Variants in LINGO2 observed in about 807,000 individuals in gnomAD.
The protein encoded by LINGO2 is leucine rich repeat and Ig domain containing 2.
LINGO2 carries 14 observed loss-of-function variants against 30.6 expected under a neutral mutation model. The observed-to-expected ratio is 0.46, with a 90% CI of 0.30 to 0.72. The LOEUF (loss-of-function observed/expected upper bound fraction) is 0.72. LINGO2 is among the 30% of genes least tolerant of loss of function. The pLI, the probability that LINGO2 is intolerant of heterozygous loss-of-function variation, is 0.07. For synonymous variants in LINGO2, 317 were observed against 288.5 expected (o/e 1.10, Z -1.00); for missense variants, 729 against 751.7 (o/e 0.97, Z 0.35).
chr9:29,011,796 A>C, the LINGO2 span, among the ~76,000 whole-genome samples: 1 of 152,160 alleles, frequency 6.6e-6, no homozygotes, highest in African/African-American at 2.4e-5. Context: ...TTAAAGAAGA[A>C]ACATTATACC....
At chr9:28,439,067 T>C (rs1824081971) in intron 2 of LINGO2, among the ~76,000 whole-genome samples, 1 of 147,608 alleles carries the variant, frequency 6.8e-6, no homozygotes, top group South Asian at 2.1e-4. Flanking sequence ...ACATTATATA[T>C]AATGAAATAT....
At chr9:28,781,267 G>T in the LINGO2 span, among the ~76,000 whole-genome samples, 1 of 152,128 alleles carries the variant, frequency 6.6e-6, no homozygotes, top group Non-Finnish European at 1.5e-5. Context: ...AGGCAGTGCA[G>T]CCAGATGCCG....
At chr9:28,717,209 A>T in the LINGO2 span, among the ~76,000 whole-genome samples, 2 of 152,110 alleles carry the variant, frequency 1.3e-5, no homozygotes, top group East Asian at 3.9e-4. Flanking sequence ...CCAGTGTCAA[A>T]GGAGTCATTC....
chr9:28,712,964 C>G, the LINGO2 span, among the ~76,000 whole-genome samples: 1 of 152,054 alleles, frequency 6.6e-6, no homozygotes, highest in Non-Finnish European at 1.5e-5. Flanking sequence ...CTCCCAGATT[C>G]AAGTGATTCT....
chr9:29,068,139 C>G, the LINGO2 span, among the ~76,000 whole-genome samples: 1 of 151,728 alleles, frequency 6.6e-6, no homozygotes, highest in Admixed American at 6.6e-5. Flanking sequence ...AAGCCTCTAA[C>G]CATTGCAAAT....
intron 4 of LINGO2, among the ~76,000 whole-genome samples, chr9:28,056,126 C>A (rs1030260653): frequency 6.6e-6 from 1 of 152,172 alleles, no homozygotes; most frequent in Non-Finnish European, 1.5e-5. Flanking sequence ...GTCTACCGCC[C>A]TTCCTATTTA....
At chr9:28,911,416 TA>T in the LINGO2 span, among the ~76,000 whole-genome samples, 1 of 151,994 alleles carries the variant, frequency 6.6e-6, no homozygotes. Flanking sequence ...CAGGTACATA[TA>T]AAAAATTTTC....
intron 1 of LINGO2, among the ~76,000 whole-genome samples, chr9:28,626,351 A>T (rs1826675472): frequency 6.6e-6 from 1 of 151,936 alleles, no homozygotes; most frequent in Non-Finnish European, 1.5e-5. Flanking sequence ...TGGGGTTTGC[A>T]TTTTCATTTC....
chr9:28,908,658 C>T, the LINGO2 span, among the ~76,000 whole-genome samples: 1 of 151,730 alleles, frequency 6.6e-6, no homozygotes, highest in African/African-American at 2.4e-5. Context: ...GAAAAATAAT[C>T]GTTAAAAATG....
At chr9:29,126,096 A>C in the LINGO2 span, among the ~76,000 whole-genome samples, 4 of 152,126 alleles carry the variant, frequency 2.6e-5, no homozygotes, top group Non-Finnish European at 5.9e-5. Flanking sequence ...TTTTGAAAAT[A>C]ATCCCTCCCC....
the LINGO2 span, among the ~76,000 whole-genome samples, chr9:29,030,724 C>G: frequency 1.3e-4 from 20 of 152,180 alleles, no homozygotes; most frequent in Non-Finnish European, 2.5e-4. Context: ...ACAGGGTTTC[C>G]CACTGTAAAG....
At chr9:29,159,832 CAAA>C in the LINGO2 span, among the ~76,000 whole-genome samples, 9 of 134,890 alleles carry the variant, frequency 6.7e-5, no homozygotes, top group Non-Finnish European at 8.0e-5. Context: ...CAGCCTGGGC[CAAA>C]AAAAAAAAAA....
chr9:28,362,408 T>G (rs140008527), intron 3 of LINGO2, among the ~76,000 whole-genome samples: 1 of 150,930 alleles, frequency 6.6e-6, no homozygotes, highest in Non-Finnish European at 1.5e-5. Flanking sequence ...AAAGATTGAG[T>G]AACAGAAGAA....
At chr9:29,190,803 A>T in the LINGO2 span, among the ~76,000 whole-genome samples, 1 of 152,198 alleles carries the variant, frequency 6.6e-6, no homozygotes, top group African/African-American at 2.4e-5. Flanking sequence ...AAGCATTCCA[A>T]ATATATGCCA....
chr9:28,772,070 T>C, the LINGO2 span, among the ~76,000 whole-genome samples: 1 of 152,246 alleles, frequency 6.6e-6, no homozygotes, highest in South Asian at 2.1e-4. Context: ...ACTGAATGAA[T>C]GAGTAAATGA....
intron 1 of LINGO2, among the ~76,000 whole-genome samples, chr9:28,509,758 T>G (rs998927930): frequency 2.6e-5 from 4 of 152,214 alleles, no homozygotes; most frequent in Non-Finnish European, 5.9e-5. Flanking sequence ...ACTCTAATCT[T>G]AGACTTTCAG....
the LINGO2 span, among the ~76,000 whole-genome samples, chr9:29,025,842 CTA>C: frequency 2.8e-4 from 43 of 152,160 alleles, no homozygotes; most frequent in African/African-American, 9.6e-4. Flanking sequence ...AAACACCATT[CTA>C]TGTGATTAAC....
the LINGO2 span, among the ~76,000 whole-genome samples, chr9:29,210,259 C>T: frequency 6.6e-6 from 1 of 152,162 alleles, no homozygotes; most frequent in South Asian, 2.1e-4. Context: ...AGATTACAAA[C>T]CAGCCTCACC....
At chr9:28,823,156 T>G in the LINGO2 span, among the ~76,000 whole-genome samples, 3 of 152,168 alleles carry the variant, frequency 2.0e-5, no homozygotes, top group Non-Finnish European at 4.4e-5. Context: ...AAACATGCTT[T>G]CTTTCTCCCA....
Sources: gnomAD v4.1 joint callset for allele counts (sites outside exome capture counted in the v4.1 genomes callset) on GRCh38, gnomAD v4.1.1 for gene constraint, MANE v1.5 for transcripts, NCBI Gene and HGNC (gene_info 2026-07-23, HGNC 2026-07-21) for gene names.